Variants in MAGEA11 observed in about 807,000 individuals in gnomAD.
MAGEA11 encodes the protein MAGE family member A11.
A neutral mutation model predicts 8.4 loss-of-function variants in MAGEA11; 1 was observed. The observed-to-expected ratio is 0.12, with a 90% confidence interval of 0.04 to 0.57. MAGEA11 has a LOEUF of 0.57. Among genes scored for constraint, MAGEA11 ranks in the 20% least tolerant of loss-of-function variants. The probability of loss-of-function intolerance (pLI) is 0.91; values close to 1 mark genes in which losing one functional copy is unlikely to be tolerated. For synonymous variants in MAGEA11, 127 were observed against 119.3 expected (o/e 1.06, Z -0.42); for missense variants, 209 against 317.3 (o/e 0.66, Z 2.59).
intron 2 of MAGEA11, 121 bp downstream of exon 2, chrX:149,713,376 T>C (rs1373074752): frequency 1.1e-5 from 5 of 467,982 alleles, no homozygotes; most frequent in Middle Eastern, 5.6e-4. Flanking sequence ...GAGCCTCAGG[T>C]CAACCCAGGG....
In MAGEA11 at chrX:149,712,154, G is replaced by T. The variant is rs1557361972; in HGVS notation, c.-26G>T. On this transcript the variant is annotated 5_prime_UTR_variant, in exon 1 of 5. The change creates a new upstream start codon in the 5' untranslated region. Coordinates refer to ENST00000355220, the MANE Select transcript of MAGEA11 (RefSeq NM_005366.5). ...AGGGCAGCGGGTCCAGGCTCCATGAGGAGGCAAGGTGAGAGCTGAGGGAGG... is the reference window on the plus strand; with the variant it reads ...AGGGCAGCGGGTCCAGGCTCCATGATGAGGCAAGGTGAGAGCTGAGGGAGG... 1.3e-6 allele frequency: 1 copy of T among 749,976 alleles called. No homozygotes were observed. Among genetic ancestry groups the T allele is most frequent in the Admixed American group, 8.8e-5 (1 of 11,306 alleles). The allele number at this position is 749,976 out of a possible 1,213,427, so 61.8% of individuals were successfully genotyped here.
chrX:149,697,362 GTC>G (rs1290584642), intron 1 of MAGEA11, among the ~76,000 whole-genome samples: 1 of 111,540 alleles, frequency 9.0e-6, no homozygotes, highest in African/African-American at 3.3e-5. Flanking sequence ...ATGGTCTTGA[GTC>G]TCCTTCCAGT....
intron 1 of MAGEA11, among the ~76,000 whole-genome samples, chrX:149,703,896 A>G (rs782617196): frequency 8.9e-6 from 1 of 112,138 alleles, no homozygotes; most frequent in East Asian, 2.8e-4. Context: ...CTGAAGTTGT[A>G]CTATTATTAC....
At chrX:149,704,781 G>T (rs1284120103) in intron 1 of MAGEA11, among the ~76,000 whole-genome samples, 3 of 112,340 alleles carry the variant, frequency 2.7e-5, no homozygotes, top group Non-Finnish European at 5.6e-5. Flanking sequence ...TACCTGCCTG[G>T]CCTGGTCTCT....
At chrX:149,689,736 C>A (rs1192808897) in intron 1 of MAGEA11, among the ~76,000 whole-genome samples, 3 of 112,528 alleles carry the variant, frequency 2.7e-5, no homozygotes, top group African/African-American at 9.7e-5. Context: ...CACTGAATCC[C>A]AATTTTGCTT....
At chrX:149,696,880 C>T (rs1191055716) in intron 1 of MAGEA11, among the ~76,000 whole-genome samples, 2 of 112,176 alleles carry the variant, frequency 1.8e-5, no homozygotes, top group African/African-American at 6.5e-5. Context: ...GACACCACTC[C>T]TACTGCTGTA....
intron 1 of MAGEA11, among the ~76,000 whole-genome samples, chrX:149,696,530 A>G (rs1360841552): frequency 9.0e-6 from 1 of 111,013 alleles, no homozygotes; most frequent in Non-Finnish European, 1.9e-5. Flanking sequence ...CTTTCCTGAG[A>G]TGGCAGGAGA....
chrX:149,704,770 G>A (rs1557361290), intron 1 of MAGEA11, among the ~76,000 whole-genome samples: 1 of 112,412 alleles, frequency 8.9e-6, no homozygotes, highest in Non-Finnish European at 1.9e-5. Context: ...GCCTTGCTGT[G>A]TACCTGCCTG....
intron 3 of MAGEA11, 84 bp from the exon 4 acceptor site, chrX:149,715,520 C>T: frequency 4.6e-6 from 3 of 653,754 alleles, no homozygotes; most frequent in Non-Finnish European, 7.4e-6. Flanking sequence ...CAGCTTGCAA[C>T]CTCACCTGCC....
At chrX:149,711,479 G>A (rs1290943783), upstream of MAGEA11, among the ~76,000 whole-genome samples, 1 of 111,732 alleles carries the variant, frequency 8.9e-6, no homozygotes, top group East Asian at 2.8e-4. Flanking sequence ...CTACAATCAC[G>A]GGTACTGAAG....
In MAGEA11 at chrX:149,715,590, A is replaced by G. The variant is rs72611290; in HGVS notation, c.193-14A>G. 27 of 1,172,020 alleles carry G rather than the reference A, an allele frequency of 2.3e-5. No homozygotes were observed. In the East Asian group the frequency reaches 7.7e-4, roughly 34 times the overall value. On this transcript the variant is annotated splice_polypyrimidine_tract_variant and intron_variant, in intron 3 of 4. Transcript: ENST00000355220. ...CAGCTGCATCTTGAGCAGCCTTCTC[A>G]CTTCCTTTTTCAGGTTTTTAGAGAA...
At chrX:149,703,142 A>G (rs1211012906) in intron 1 of MAGEA11, among the ~76,000 whole-genome samples, 1 of 111,681 alleles carries the variant, frequency 9.0e-6, no homozygotes, top group African/African-American at 3.3e-5. Context: ...GCTGGTCACA[A>G]ATATTTGGTT....
intron 1 of MAGEA11, among the ~76,000 whole-genome samples, chrX:149,706,040 C>T (rs1319873490): frequency 8.9e-6 from 1 of 112,063 alleles, no homozygotes; most frequent in African/African-American, 3.2e-5. Flanking sequence ...TGGAAGCACT[C>T]GGTTCATGAC....
chrX:149,714,836 C>T (rs1370041282), intron 3 of MAGEA11, among the ~76,000 whole-genome samples: 2 of 111,478 alleles, frequency 1.8e-5, no homozygotes, highest in South Asian at 3.8e-4. Flanking sequence ...TTACCAAAAA[C>T]ATGGGACTCA....
intron 1 of MAGEA11, among the ~76,000 whole-genome samples, chrX:149,691,832 T>C (rs782743191): frequency 8.9e-6 from 1 of 112,979 alleles, no homozygotes; most frequent in African/African-American, 3.2e-5. Flanking sequence ...CTCCAGGCAG[T>C]AAGCTAAGGA....
chrX:149,689,867 G>A (rs148667792), intron 1 of MAGEA11, among the ~76,000 whole-genome samples: 55 of 112,162 alleles, frequency 4.9e-4, no homozygotes, highest in African/African-American at 1.7e-3. Context: ...CTAAACACAC[G>A]TAGGCACACA....
At chrX:149,708,460 A>C (rs2090386340), upstream of MAGEA11, among the ~76,000 whole-genome samples, 1 of 112,417 alleles carries the variant, frequency 8.9e-6, no homozygotes, top group South Asian at 3.7e-4. Flanking sequence ...ATAAATAATA[A>C]AGACACAAAT....
rs1557362370 is a variant in MAGEA11 at position 149,715,650 on chromosome X, C to A, written c.239C>A (p.Thr80Asn). The stretch of plus-strand genomic sequence containing the variant: ...CTGGAGGACAGGAGTCCCAGGAGAA[C>A]CCAGAGGATCACTGGAGGAGAACAA... ...ANLEDRSPRR[T>N]QRITGGEQVL... The change falls in exon 4 of 5, where the codon ACC becomes AAC. Residue 80 changes from threonine (T) to asparagine (N), a missense_variant. Coordinates refer to ENST00000355220, the MANE Select transcript of MAGEA11 (RefSeq NM_005366.5). 6.6e-6 allele frequency: 8 copies of A among 1,208,316 alleles called. No individual in the cohort carries two copies. The East Asian group carries it at 2.4e-4, about 36-fold the overall frequency.
chrX:149,698,122 G>A lies in MAGEA11; in HGVS notation c.9+9138G>A, dbSNP rs148390343. Among the ~76,000 whole-genome samples, 56 of 111,891 alleles carry A rather than the reference G, an allele frequency of 5.0e-4. No homozygotes were observed. The East Asian group carries it at 0.013, about 26-fold the overall frequency. On this transcript the variant is annotated intron_variant, in intron 1 of 3. Transcript: ENST00000333104. ...TCAATGTCATCTGCAGATAGAGATGGTTTCATTTTTTTCTTTTCCTGTCAG... is the reference window on the plus strand; with the variant it reads ...TCAATGTCATCTGCAGATAGAGATGATTTCATTTTTTTCTTTTCCTGTCAG...
Sources: allele counts gnomAD v4.1 joint callset (sites outside exome capture counted in the v4.1 genomes callset), GRCh38; gene constraint gnomAD v4.1.1; transcripts MANE v1.5; gene names NCBI Gene and HGNC (gene_info 2026-07-23, HGNC 2026-07-21).